The following AMPD3 variants were observed in gnomAD, a reference collection of about 807,000 sequenced individuals.
AMPD3 encodes the protein AMP deaminase 3.
Under a neutral mutation model 82.3 loss-of-function variants are expected in AMPD3, and 57 were observed. The ratio of observed to expected loss-of-function variants is 0.69; its 90% CI spans 0.56 to 0.86. AMPD3 has a LOEUF of 0.86. Among genes scored for constraint, AMPD3 ranks in the 40% least tolerant of loss-of-function variants. The pLI, the probability that AMPD3 is intolerant of heterozygous loss-of-function variation, is 0.00. For missense variants in AMPD3, 870 were observed against 1,003.8 expected, an observed-to-expected ratio of 0.87 and a Z score of 1.80; for synonymous variants, 381 against 394.7, an observed-to-expected ratio of 0.97 and a Z score of 0.41.
At position 10,456,569 on chromosome 11, in the gene AMPD3, T is replaced by C. The variant is rs1848100721; in HGVS notation, c.-6+1121T>C. On this transcript the variant is annotated intron_variant, in intron 1 of 14. Transcript: ENST00000396553. This position sits in a 1 kb window ranked among gnomAD's most constrained non-coding sequence, Gnocchi z 4.3. The stretch of plus-strand genomic sequence containing the variant: ...GCAGTGTTTTAGAACTTTCTAACTT[T>C]GGGACACTTCTTCAAGTTCATCAGA... The C allele has an allele frequency of 1.0e-6, 1 of 985,476 alleles. No homozygotes were observed. Among genetic ancestry groups the C allele is most frequent in the Non-Finnish European group, 1.2e-6 (1 of 829,934 alleles). The allele number at this position is 985,476 out of a possible 1,614,324, so 61.0% of individuals were successfully genotyped here.
chr11:10,462,734 G>T (rs575055717), intron 2 of AMPD3, among the ~76,000 whole-genome samples: 1 of 152,164 alleles, frequency 6.6e-6, no homozygotes, highest in African/African-American at 2.4e-5. Context: ...GGAGAGAAAG[G>T]CCGGGAAAGA....
chr11:10,480,001 C>T (rs1307190729), intron 3 of AMPD3: 78 of 982,036 alleles, frequency 7.9e-5, no homozygotes, highest in African/African-American at 1.6e-4. Context: ...AAGCAAGAGT[C>T]GAGGTGGGTC....
chr11:10,500,618 A>G (rs1849551018), intron 11 of AMPD3: 5 of 985,484 alleles, frequency 5.1e-6, no homozygotes, highest in Non-Finnish European at 6.0e-6. Context: ...AGGACATGCT[A>G]TCACACATGC....
rs1194170025 is a variant in AMPD3 at position 10,501,382 on chromosome 11, C to A, written c.1722-88C>A. The A allele has an allele frequency of 1.9e-6, 3 of 1,566,126 alleles. No individual in the cohort carries two copies. In the African/African-American group the frequency reaches 4.1e-5, roughly 21 times the overall value. The stretch of plus-strand genomic sequence containing the variant: ...AGCTGACCATGGGTGGTCATTCCCC[C>A]CGGAGCTGGCCCTGAGCTGTGGCTG... On this transcript the variant is annotated intron_variant, in intron 11 of 14. Transcript: ENST00000396553.
At chr11:10,505,378 G>GA (rs60574188) in intron 14 of AMPD3, 968,283 of 985,084 alleles carry the variant, frequency 0.98, 476,036 homozygotes, top group East Asian at 1. Context: ...CAGCTCTCAG[G>GA]GGCTTCTTAA....
intron 2 of AMPD3, chr11:10,477,075 G>A: frequency 2.0e-6 from 2 of 985,482 alleles, no homozygotes; most frequent in South Asian, 4.7e-5. Context: ...GTAAACACGG[G>A]AGGAGAACTG....
intron 2 of AMPD3, among the ~76,000 whole-genome samples, chr11:10,476,688 G>A (rs1181192824): frequency 6.6e-6 from 1 of 152,232 alleles, no homozygotes; most frequent in African/African-American, 2.4e-5. Context: ...AGGTCAGAAT[G>A]TGTTGGGGAG....
At chr11:10,473,185 G>T (rs1205806699) in intron 2 of AMPD3, among the ~76,000 whole-genome samples, 1 of 152,186 alleles carries the variant, frequency 6.6e-6, no homozygotes, top group African/African-American at 2.4e-5. Context: ...CACGAGAATT[G>T]CTTGAACCCA....
At position 10,456,850 on chromosome 11, in the gene AMPD3, G is replaced by A. The variant is rs2133809979; in HGVS notation, c.-6+1402G>A. On this transcript the variant is annotated intron_variant, in intron 1 of 14. Transcript: ENST00000396553. The surrounding 1 kb of genome is among the most constrained non-coding windows in gnomAD (Gnocchi z 4.3). ...ACGGGTTGGCAGGTGGGAGCTGTCT[G>A]CCAAGGACATCCAGAAGGCAGCAGA... Among the ~76,000 whole-genome samples the A allele has an allele frequency of 6.6e-6, 1 of 152,318 alleles. No homozygotes were observed. The highest frequency in any genetic ancestry group is 2.1e-4 in the South Asian group (1 of 4,832).
intron 4 of AMPD3, chr11:10,484,405 G>GT: frequency 1.0e-6 from 1 of 985,270 alleles, no homozygotes; most frequent in Non-Finnish European, 1.2e-6. Flanking sequence ...GGTGCAATCT[G>GT]TTTTTTTCCT....
chr11:10,460,785 A>G (rs1848246543), intron 1 of AMPD3: 1 of 584,930 alleles, frequency 1.7e-6, no homozygotes, highest in African/African-American at 2.0e-5. Context: ...GCAAGCAAGC[A>G]AGAATGAAAC....
rs767753231 is a variant in AMPD3, at chr11:10,482,133, C to T, written c.497C>T (p.Ala166Val). The change falls in exon 4 of 15, where the codon GCG becomes GTG. Residue 166 changes from alanine (A) to valine (V), a missense_variant. Transcript: ENST00000396553. ...AKALMIREKY[A>V]RLAYHRFPRI... ...GCCCTAATGATCCGGGAGAAGTATGCGCGGCTCGCCTACCACCGCTTCCCG... is the reference window on the plus strand; with the variant it reads ...GCCCTAATGATCCGGGAGAAGTATGTGCGGCTCGCCTACCACCGCTTCCCG... The T allele has an allele frequency of 3.5e-5, 56 of 1,614,018 alleles. No homozygotes were observed. Among genetic ancestry groups the T allele is most frequent in the Admixed American group, 1.7e-4 (10 of 60,002 alleles).
upstream of AMPD3, chr11:10,450,891 C>G (rs138176008): frequency 0.012 from 15,118 of 1,232,010 alleles, 129 homozygotes; most frequent in Admixed American, 0.015. Context: ...GCCCGGCCCC[C>G]GCGCCTGCTG....
chr11:10,488,334 G>A, intron 6 of AMPD3: 1 of 985,460 alleles, frequency 1.0e-6, no homozygotes, highest in Non-Finnish European at 1.2e-6. Flanking sequence ...GTGGCTTTGA[G>A]GGAGAGGCCA....
chr11:10,476,458 C>T (rs1388863858), intron 2 of AMPD3, among the ~76,000 whole-genome samples: 1 of 113,240 alleles, frequency 8.8e-6, no homozygotes, highest in East Asian at 3.1e-4. Flanking sequence ...AGCATTTGGG[C>T]TGTAGTGTTT....
At chr11:10,495,535 T>G (rs1220426050) in intron 8 of AMPD3, 35 bp from the exon 9 acceptor site, 1 of 1,612,202 alleles carries the variant, frequency 6.2e-7, no homozygotes, top group East Asian at 2.2e-5. Flanking sequence ...GTAGCTGGGA[T>G]GCACTGGGGC....
chr11:10,459,907 A>G (rs942607853), intron 1 of AMPD3, among the ~76,000 whole-genome samples: 3 of 151,842 alleles, frequency 2.0e-5, no homozygotes, highest in African/African-American at 7.3e-5. Context: ...CTGACTTATT[A>G]AAAGTGTGAC....
chr11:10,484,181 A>G (rs1848996773), intron 4 of AMPD3: 1 of 935,880 alleles, frequency 1.1e-6, no homozygotes. Context: ...AAAGTCTCAC[A>G]GCAGGGAAAT....
chr11:10,500,661 C>G (rs1439840883), intron 11 of AMPD3: 1 of 985,360 alleles, frequency 1.0e-6, no homozygotes, highest in African/African-American at 1.7e-5. Flanking sequence ...ACAATGTCCA[C>G]ACGTGCATAT....
Sources: allele counts gnomAD v4.1 joint callset (sites outside exome capture counted in the v4.1 genomes callset), GRCh38; gene constraint gnomAD v4.1.1; non-coding constraint Gnocchi (gnomAD v3.1); transcripts MANE v1.5; gene names NCBI Gene and HGNC (gene_info 2026-07-23, HGNC 2026-07-21).